Variants in CLUL1 observed in about 807,000 individuals in gnomAD.
CLUL1 encodes the protein clusterin-like protein 1.
In CLUL1, 43 loss-of-function variants were observed where a neutral mutation model predicts 49.4. The ratio of observed to expected loss-of-function variants is 0.87; its 90% CI spans 0.68 to 1.12. CLUL1 has a LOEUF of 1.12. Among genes scored for constraint, CLUL1 ranks in the 50% most tolerant of loss-of-function variants. The pLI is 0.00. For missense variants in CLUL1, 486 were observed against 544.4 expected (o/e 0.89, Z 1.07); for synonymous variants, 192 against 184.9 (o/e 1.04, Z -0.31).
chr18:636,702 T>C (rs951266655), intron 7 of CLUL1, among the ~76,000 whole-genome samples: 5 of 147,160 alleles, frequency 3.4e-5, no homozygotes, highest in Non-Finnish European at 6.0e-5. Flanking sequence ...CTCGGCTCAC[T>C]GCAACCTCCA....
intron 4 of CLUL1, among the ~76,000 whole-genome samples, chr18:622,090 G>A (rs2073505260): frequency 6.6e-6 from 1 of 152,022 alleles, no homozygotes; most frequent in African/African-American, 2.4e-5. Context: ...TTAAAGCCTA[G>A]AATAAAGGTC....
Position 641,370 on chromosome 18 carries a change from G to A in CLUL1, c.1038G>A (p.Ala346=), listed in dbSNP as rs552635699. 7.4e-5 allele frequency: 119 copies of A among 1,614,110 alleles called. 1 individual carries two copies. The highest frequency in any genetic ancestry group is 6.6e-4 in the Middle Eastern group (4 of 6,062). Residue 346 remains alanine, a synonymous_variant, in exon 8 of 10, where the codon GCG becomes GCA. Transcript: ENST00000692774. ...CTCTGCACACAGAATTAGACGAGGC[G>A]ATCAGGTTGGTCAATGTATCCAATC... ...VPALHTELDE[A]IRLVNVSNQQ...
chr18:636,494 GGAGT>G (rs1168447136), intron 7 of CLUL1, among the ~76,000 whole-genome samples: 1 of 152,036 alleles, frequency 6.6e-6, no homozygotes, highest in Non-Finnish European at 1.5e-5. Flanking sequence ...CAACTCGAAA[GGAGT>G]AAGTTTCCCT....
At chr18:634,101 TG>T (rs1407070394) in intron 7 of CLUL1, among the ~76,000 whole-genome samples, 3 of 152,108 alleles carry the variant, frequency 2.0e-5, no homozygotes, top group Non-Finnish European at 4.4e-5. Flanking sequence ...CATTTCCATC[TG>T]GGGGCGTTCA....
At chr18:619,422 G>GCAGTA in intron 4 of CLUL1, 61 bp downstream of exon 4, 1 of 1,363,410 alleles carries the variant, frequency 7.3e-7, no homozygotes, top group Non-Finnish European at 9.9e-7. Flanking sequence ...TACTGCACTT[G>GCAGTA]TTAGTGCGAT....
At chr18:625,753 G>T (rs1229058366) in intron 5 of CLUL1, among the ~76,000 whole-genome samples, 4 of 152,162 alleles carry the variant, frequency 2.6e-5, no homozygotes, top group Admixed American at 2.0e-4. Context: ...ATACAAAATT[G>T]AGTGGAATTT....
chr18:604,914 C>T (rs936094437), intron 1 of CLUL1, among the ~76,000 whole-genome samples: 1 of 152,206 alleles, frequency 6.6e-6, no homozygotes, highest in African/African-American at 2.4e-5. Context: ...GTGGCTCCAC[C>T]GCCCTCCCCC....
chr18:647,720 T>C (rs915997891), intron 9 of CLUL1, among the ~76,000 whole-genome samples: 1 of 152,096 alleles, frequency 6.6e-6, no homozygotes, highest in Non-Finnish European at 1.5e-5. Flanking sequence ...CATCAACAGA[T>C]CTCAGTTCAA....
At chr18:619,094 A>C in intron 3 of CLUL1, 119 bp from the exon 4 acceptor site, 2 of 942,700 alleles carry the variant, frequency 2.1e-6, no homozygotes, top group Non-Finnish European at 3.2e-6. Flanking sequence ...ATCTGCTTTC[A>C]GAATATGAGC....
intron 7 of CLUL1, among the ~76,000 whole-genome samples, chr18:637,844 T>A (rs956613676): frequency 6.6e-6 from 1 of 152,022 alleles, no homozygotes; most frequent in Non-Finnish European, 1.5e-5. Context: ...TATGGTGGTA[T>A]GAACCTGTAA....
intron 9 of CLUL1, among the ~76,000 whole-genome samples, chr18:645,769 G>A (rs1469816841): frequency 8.8e-6 from 1 of 113,566 alleles, no homozygotes; most frequent in African/African-American, 3.6e-5. Flanking sequence ...ACTCCAGCCT[G>A]GGCGACAGAG....
chr18:631,742 GGGTAAAAT>G (rs2073999299), intron 6 of CLUL1, among the ~76,000 whole-genome samples: 2 of 152,166 alleles, frequency 1.3e-5, no homozygotes, highest in South Asian at 4.1e-4. Flanking sequence ...ACCATATTGT[GGGTAAAAT>G]GGCAGAAGAA....
chr18:605,780 C>T (rs1159662717), intron 1 of CLUL1, among the ~76,000 whole-genome samples: 1 of 151,952 alleles, frequency 6.6e-6, no homozygotes, highest in African/African-American at 2.4e-5. Context: ...AGGTTCAAGC[C>T]ATCCTCCCAA....
intron 7 of CLUL1, among the ~76,000 whole-genome samples, chr18:638,404 A>T (rs947364988): frequency 6.6e-6 from 1 of 152,246 alleles, no homozygotes; most frequent in African/African-American, 2.4e-5. Flanking sequence ...CCTGATAATC[A>T]ATATGCACCA....
chr18:629,471 G>A (rs1279239494), intron 6 of CLUL1, among the ~76,000 whole-genome samples: 1 of 152,166 alleles, frequency 6.6e-6, no homozygotes, highest in Admixed American at 6.5e-5. Flanking sequence ...TAGTGATTCA[G>A]ACATGCCACA....
Position 633,437 on chromosome 18 carries a change from T to TAAATAA in CLUL1, c.994+3_994+8dup. ...AATGTCAGGCTCACCTATCTGAAGG[T>TAAATAA]AAATAATTGCTATTTTGTTTTTTAT... On this transcript the variant is annotated splice_region_variant and intron_variant, in intron 7 of 9. Transcript: ENST00000692774. 6.2e-7 allele frequency: 1 copy of TAAATAA among 1,611,084 alleles called. No homozygotes were observed. Among genetic ancestry groups the TAAATAA allele is most frequent in the Non-Finnish European group, 8.5e-7 (1 of 1,178,276 alleles).
intron 2 of CLUL1, among the ~76,000 whole-genome samples, chr18:617,456 T>C (rs2066825525): frequency 1.3e-5 from 2 of 151,818 alleles, no homozygotes; most frequent in African/African-American, 4.8e-5. Flanking sequence ...TAACCGGGCT[T>C]GGTGGCGCAT....
chr18:634,875 C>A (rs1261357535), intron 7 of CLUL1, among the ~76,000 whole-genome samples: 1 of 152,140 alleles, frequency 6.6e-6, no homozygotes, highest in African/African-American at 2.4e-5. Flanking sequence ...CTCCTCCAAC[C>A]CCACCAGGGC....
At chr18:597,169 G>C (rs1240109624) in intron 1 of CLUL1, 40 bp downstream of exon 1, 1 of 152,918 alleles carries the variant, frequency 6.5e-6, no homozygotes, top group Non-Finnish European at 1.5e-5. Flanking sequence ...TCTCCTCGCC[G>C]CTCTTGCCCA....
Sources: gnomAD v4.1 joint callset for allele counts (sites outside exome capture counted in the v4.1 genomes callset) on GRCh38, gnomAD v4.1.1 for gene constraint, MANE v1.5 for transcripts, NCBI Gene and HGNC (gene_info 2026-07-23, HGNC 2026-07-21) for gene names.